The following HYAL1 variants were observed in gnomAD, a reference collection of about 807,000 sequenced individuals.
HYAL1 encodes hyaluronidase 1, also known as hyaluronidase-1.
HYAL1 carries 21 observed loss-of-function variants against 28.8 expected under a neutral mutation model. The ratio of observed to expected loss-of-function variants is 0.73; its 90% CI spans 0.52 to 1.05. The LOEUF (loss-of-function observed/expected upper bound fraction) is 1.05. HYAL1 is among the 50% of genes least tolerant of loss of function. HYAL1 has a pLI of 0.00. For missense variants in HYAL1, 491 were observed against 579.2 expected (o/e 0.85, Z 1.56); for synonymous variants, 200 against 230.1 (o/e 0.87, Z 1.18).
chr3:50,308,099 A>C (rs115044526), upstream of HYAL1, among the ~76,000 whole-genome samples: 891 of 147,936 alleles, frequency 6.0e-3, 39 homozygotes, highest in African/African-American at 0.021. Context: ...CCGGCCAAAA[A>C]CCCAAAAACT....
chr3:50,311,621 C>T (rs1702459175), intron 1 of HYAL1, among the ~76,000 whole-genome samples: 1 of 134,566 alleles, frequency 7.4e-6, no homozygotes, highest in Non-Finnish European at 1.6e-5. Flanking sequence ...GGGCGGGGGG[C>T]TGACCCCCCC....
chr3:50,304,324 T>A (rs1160464001), upstream of HYAL1, among the ~76,000 whole-genome samples: 42 of 94,924 alleles, frequency 4.4e-4, no homozygotes, highest in South Asian at 8.5e-4. Context: ...TATATATATA[T>A]ATATATATAT....
intron 1 of HYAL1, 65 bp from the exon 2 acceptor site, chr3:50,303,045 TG>T (rs1462610143): frequency 2.4e-6 from 3 of 1,267,720 alleles, no homozygotes; most frequent in African/African-American, 1.5e-5. Context: ...TGCTCAGGGC[TG>T]GGGGGCTGAG....
chr3:50,307,848 T>A (rs1702366137), upstream of HYAL1, among the ~76,000 whole-genome samples: 1 of 145,418 alleles, frequency 6.9e-6, no homozygotes, highest in African/African-American at 2.6e-5. Flanking sequence ...CAGGCTGGAG[T>A]GCAGTGGCGC....
At chr3:50,300,939 T>TGGGGGGGGGGGGGGGGGGGG in intron 3 of HYAL1, 49 bp downstream of exon 3, 28 of 959,290 alleles carry the variant, frequency 2.9e-5, no homozygotes, top group Non-Finnish European at 4.0e-5. Flanking sequence ...GTCAGCTTAA[T>TGGGGGGGGGGGGGGGGGGGG]GGCCCCACCC....
At chr3:50,311,455 C>A (rs1456139970) in intron 1 of HYAL1, among the ~76,000 whole-genome samples, 3 of 127,274 alleles carry the variant, frequency 2.4e-5, no homozygotes, top group Non-Finnish European at 5.0e-5. Context: ...GACCCCCCCC[C>A]ACCTCCCTCC....
Position 50,302,962 on chromosome 3 carries a change from G to A in HYAL1, c.-6C>T, listed in dbSNP as rs371360529. 3.2e-6 allele frequency: 5 copies of A among 1,553,064 alleles called. No individual in the cohort carries two copies. The highest frequency in any genetic ancestry group is 4.5e-5 in the East Asian group (2 of 44,364). ...GGAAGCAGGTGGGCTGCCATGGCAC[G>A]GGACTGGTCGAGGACAACCTGGCCA... On this transcript the variant is annotated 5_prime_UTR_variant, in exon 2 of 4. Transcript: ENST00000395144. This position sits in a 1 kb window ranked among gnomAD's most constrained non-coding sequence, Gnocchi z 5.0.
upstream of HYAL1, among the ~76,000 whole-genome samples, chr3:50,305,749 TGG>T (rs781646842): frequency 1.8e-4 from 27 of 151,074 alleles, no homozygotes; most frequent in Non-Finnish European, 3.1e-4. Context: ...TTGGCCAGGC[TGG>T]TCTTGAACTC....
intron 1 of HYAL1, chr3:50,303,192 T>G: frequency 2.1e-6 from 1 of 482,892 alleles, no homozygotes; most frequent in Non-Finnish European, 3.7e-6. Flanking sequence ...AGACCAGGCC[T>G]CTGCCATCTC....
At chr3:50,310,889 A>T (rs1400387889) in intron 1 of HYAL1, among the ~76,000 whole-genome samples, 1 of 151,628 alleles carries the variant, frequency 6.6e-6, no homozygotes, top group Non-Finnish European at 1.5e-5. Context: ...TGGACACAGC[A>T]CATGTTTCAG....
At chr3:50,305,638 C>T (rs1054634325), upstream of HYAL1, among the ~76,000 whole-genome samples, 8 of 150,866 alleles carry the variant, frequency 5.3e-5, no homozygotes, top group East Asian at 9.7e-4. Flanking sequence ...CGGGTTCAAG[C>T]GATTCTCCTG....
intron 2 of HYAL1, 75 bp downstream of exon 2, chr3:50,301,982 G>C: frequency 2.1e-6 from 3 of 1,452,530 alleles, no homozygotes; most frequent in Non-Finnish European, 2.9e-6. Flanking sequence ...ATGTCCCAAA[G>C]CTAAAGTACC....
chr3:50,304,295 AAATATATATATATATATATATATATATAT>A (rs1221209525), upstream of HYAL1, among the ~76,000 whole-genome samples: 35 of 48,468 alleles, frequency 7.2e-4, 1 homozygote, highest in East Asian at 0.05. Flanking sequence ...AAAAAAAAAA[AAATATATATATATATATATATATATATAT>A]ATATATATAT....
chr3:50,311,822 T>C (rs1479478650), intron 1 of HYAL1, among the ~76,000 whole-genome samples: 32 of 109,298 alleles, frequency 2.9e-4, no homozygotes, highest in African/African-American at 4.6e-4. Flanking sequence ...ACCTCCCGGA[T>C]GGGGCGGCTG....
rs1473189769 is a variant in HYAL1, at chr3:50,300,056, T to TGG, written c.*425_*426dup. On this transcript the variant is annotated 3_prime_UTR_variant, in exon 4 of 4. Transcript: ENST00000395144. ...TCTCCCTTTTCTTGCTGTGCAACCT[T>TGG]GGGCAACGTGCTTACTCTCAATGTG... 1 of 259,950 alleles carries TGG rather than the reference T, an allele frequency of 3.8e-6. No homozygotes were observed. The highest frequency in any genetic ancestry group is 7.6e-6 in the Non-Finnish European group (1 of 130,992). The allele number at this position is 259,950 out of a possible 1,614,324, so 16.1% of individuals were successfully genotyped here.
chr3:50,311,795 G>C (rs1440350420), intron 1 of HYAL1, among the ~76,000 whole-genome samples: 1 of 145,358 alleles, frequency 6.9e-6, no homozygotes, highest in Non-Finnish European at 1.5e-5. Flanking sequence ...AGGGGTGGCC[G>C]GGCAGAGGCG....
At position 50,302,962 on chromosome 3, in the gene HYAL1, G is replaced by T. The variant is rs371360529; in HGVS notation, c.-6C>A. The T allele has an allele frequency of 6.4e-7, 1 of 1,553,180 alleles. No individual in the cohort carries two copies. ...GGAAGCAGGTGGGCTGCCATGGCAC[G>T]GGACTGGTCGAGGACAACCTGGCCA... On this transcript the variant is annotated 5_prime_UTR_variant, in exon 2 of 4. Coordinates refer to ENST00000395144, the MANE Select transcript of HYAL1 (RefSeq NM_033159.4). This position sits in a 1 kb window ranked among gnomAD's most constrained non-coding sequence, Gnocchi z 5.0.
In HYAL1 at chr3:50,300,598, AG is replaced by A. The variant is rs1553712447; in HGVS notation, c.1192del (p.Leu398Ter). On this transcript the variant is annotated frameshift_variant, in exon 4 of 4. Coordinates refer to ENST00000395144, the MANE Select transcript of HYAL1 (RefSeq NM_033159.4). LOFTEE classifies it low-confidence loss of function (END_TRUNC). Reference protein sequence around the residue: ...SIQLTPGGGPLSLRGALSLED... With the variant: ...SIQLTPGGGPXSLRGALSLED... ...AAGTGAGAGGGCACCCCGCAGGCTC[AG>A]GGGCCCACCACCAGGCGTGAGCTGG... 2 of 1,614,188 alleles carry A rather than the reference AG, an allele frequency of 1.2e-6. No individual in the cohort carries two copies. The highest frequency in any genetic ancestry group is 1.7e-6 in the Non-Finnish European group (2 of 1,180,018).
exon 2 of HYAL1, chr3:50,309,738 A>G (rs1470359668): frequency 6.6e-6 from 1 of 151,256 alleles, no homozygotes; most frequent in Non-Finnish European, 1.5e-5. Flanking sequence ...TGGGAGGCCA[A>G]CGCGGGAGGA....
Sources: gnomAD v4.1 joint callset for allele counts (sites outside exome capture counted in the v4.1 genomes callset) on GRCh38, gnomAD v4.1.1 for gene constraint, Gnocchi (gnomAD v3.1) non-coding constraint, MANE v1.5 for transcripts, NCBI Gene and HGNC (gene_info 2026-07-23, HGNC 2026-07-21) for gene names.